Variants in ZMYM2 observed in about 807,000 individuals in gnomAD.
ZMYM2 encodes zinc finger MYM-type containing 2, also known as zinc finger MYM-type protein 2.
ZMYM2 carries 56 observed loss-of-function variants against 162.8 expected under a neutral mutation model. The ratio of observed to expected loss-of-function variants is 0.34; its 90% confidence interval spans 0.28 to 0.43. The LOEUF (loss-of-function observed/expected upper bound fraction) is 0.43. Among genes scored for constraint, ZMYM2 ranks in the 20% least tolerant of loss-of-function variants. The pLI is 1.00. For synonymous variants in ZMYM2, 510 were observed against 541.6 expected (o/e 0.94, Z 0.81); for missense variants, 1,275 against 1,621.8 (o/e 0.79, Z 3.67).
At chr13:20,058,869 C>A in intron 15 of ZMYM2, 165 bp downstream of exon 15, 1 of 883,266 alleles carries the variant, frequency 1.1e-6, no homozygotes, top group Non-Finnish European at 1.9e-6. Flanking sequence ...GAGAATACAG[C>A]ATCTCATTTT....
At chr13:20,002,678 C>A (rs1182029145) in intron 3 of ZMYM2, among the ~76,000 whole-genome samples, 172 bp from the exon 4 acceptor site, 1 of 152,050 alleles carries the variant, frequency 6.6e-6, no homozygotes, top group Non-Finnish European at 1.5e-5. Context: ...TGCATTGTTA[C>A]CGTGACATTC....
chr13:19,924,557 A>T, the ZMYM2 span, among the ~76,000 whole-genome samples: 1 of 152,154 alleles, frequency 6.6e-6, no homozygotes, highest in Non-Finnish European at 1.5e-5. Flanking sequence ...TCTCCAAAAA[A>T]AGGGTTTGTC....
chr13:20,059,128 T>C (rs1441494906), intron 15 of ZMYM2, among the ~76,000 whole-genome samples: 1 of 152,088 alleles, frequency 6.6e-6, no homozygotes, highest in Non-Finnish European at 1.5e-5. Flanking sequence ...TTCTAATTAT[T>C]TGATTAAATA....
chr13:19,935,297 A>G, the ZMYM2 span, among the ~76,000 whole-genome samples: 1 of 149,574 alleles, frequency 6.7e-6, no homozygotes, highest in Non-Finnish European at 1.5e-5. Flanking sequence ...CCACACCCAG[A>G]TGATTTTTTT....
the ZMYM2 span, among the ~76,000 whole-genome samples, chr13:19,866,547 T>A: frequency 6.7e-6 from 1 of 149,224 alleles, no homozygotes; most frequent in African/African-American, 2.5e-5. Context: ...TGCCTGTAAT[T>A]CCAGATACTC....
At chr13:19,898,513 G>A in the ZMYM2 span, among the ~76,000 whole-genome samples, 12 of 152,236 alleles carry the variant, frequency 7.9e-5, no homozygotes, top group South Asian at 1.9e-3. Context: ...GATTACAGGC[G>A]TGAGCCACCG....
rs150956340 is a variant in ZMYM2 at position 20,087,689 on chromosome 13, T to C, written c.*1675T>C. 6.5e-5 allele frequency: 12 copies of C among 185,826 alleles called. No individual in the cohort carries two copies. In the East Asian group the frequency reaches 1.1e-3, roughly 16 times the overall value. 11.5% of individuals were successfully genotyped at this position (185,826 alleles called of 1,614,324 possible). ...GCATAAAAAATTATAATGTTCTAACTTGTTTTATAAGTTGAATGACTTTTC... is the reference window on the plus strand; with the variant it reads ...GCATAAAAAATTATAATGTTCTAACCTGTTTTATAAGTTGAATGACTTTTC... On this transcript the variant is annotated 3_prime_UTR_variant, in exon 25 of 25. Transcript: ENST00000610343.
chr13:20,004,476 C>T (rs1654176524), intron 4 of ZMYM2, among the ~76,000 whole-genome samples: 2 of 151,850 alleles, frequency 1.3e-5, no homozygotes, highest in Admixed American at 6.5e-5. Context: ...AGGATGGTCT[C>T]GATCTCCTGA....
At chr13:20,027,087 G>T (rs927301181) in intron 8 of ZMYM2, 116 bp from the exon 9 acceptor site, 68 of 713,204 alleles carry the variant, frequency 9.5e-5, no homozygotes, top group African/African-American at 9.2e-4. Flanking sequence ...AGTATTGAAG[G>T]TGCAAATAAT....
chr13:19,989,348 G>C (rs892482955), intron 2 of ZMYM2, among the ~76,000 whole-genome samples: 1 of 152,134 alleles, frequency 6.6e-6, no homozygotes, highest in Admixed American at 6.5e-5. Context: ...CCATCACCCA[G>C]GCTGGAGTGC....
chr13:20,034,268 G>A lies in ZMYM2; in HGVS notation c.1983G>A (p.Gln661=), dbSNP rs777552189. 1.9e-6 allele frequency: 3 copies of A among 1,599,360 alleles called. No individual in the cohort carries two copies. Among genetic ancestry groups the A allele is most frequent in the Non-Finnish European group, 2.6e-6 (3 of 1,174,250 alleles). ...TGTGCATTTAGAACAAAGTGCATCA[G>A]TTCTGCAGCAAAACTTGTTCAGATG... is the stretch of plus-strand genomic sequence containing the variant. ...EILEWENKVH[Q]FCSKTCSDDY... Residue 661 remains glutamine, a synonymous_variant, in exon 11 of 25, where the codon CAG becomes CAA. Coordinates refer to ENST00000610343, the MANE Select transcript of ZMYM2 (RefSeq NM_197968.4).
At position 20,007,620 on chromosome 13, in the gene ZMYM2, G is replaced by GTT. The variant is rs71198950; in HGVS notation, c.1512+1051_1512+1052dup. On this transcript the variant is annotated intron_variant, in intron 6 of 24. Coordinates refer to ENST00000610343, the MANE Select transcript of ZMYM2 (RefSeq NM_197968.4). ...GTTATATGAACTTTCTCCCTCTTTA[G>GTT]TTTTTTTTTTTTTTTTTTAAAGACA... Among the ~76,000 whole-genome samples the GTT allele has an allele frequency of 3.3e-3, 446 of 135,026 alleles. 3 individuals carry two copies. Among genetic ancestry groups the GTT allele is most frequent in the Middle Eastern group, 0.015 (4 of 262 alleles). 88.6% of individuals were successfully genotyped at this position (135,026 alleles called of 152,430 possible).
the ZMYM2 span, among the ~76,000 whole-genome samples, chr13:19,929,290 G>A: frequency 2.4e-4 from 37 of 151,970 alleles, no homozygotes; most frequent in South Asian, 4.4e-3. Context: ...CCAGGTTGGA[G>A]TGCAGTGGTG....
chr13:19,994,526 G>T (rs564235667), intron 3 of ZMYM2, among the ~76,000 whole-genome samples: 2 of 152,168 alleles, frequency 1.3e-5, no homozygotes, highest in East Asian at 3.9e-4. Flanking sequence ...GTCTTGCTCT[G>T]TCACCCAGGC....
Position 19,972,614 on chromosome 13 carries a change from G to A in ZMYM2, c.-11+12588G>A, listed in dbSNP as rs892770992. Reference sequence around the variant, plus strand: ...ATGGACAGTCTGTTTCCAATTTTTTGCTATTGTAGATAATGCTGCAAGGAA... The same window carrying A: ...ATGGACAGTCTGTTTCCAATTTTTTACTATTGTAGATAATGCTGCAAGGAA... On this transcript the variant is annotated intron_variant, in intron 2 of 24. Transcript: ENST00000610343. Among the ~76,000 whole-genome samples, 5 of 151,934 alleles carry A rather than the reference G, an allele frequency of 3.3e-5. No individual in the cohort carries two copies. In the South Asian group the frequency reaches 8.3e-4, roughly 25 times the overall value.
Position 20,083,036 on chromosome 13 carries a change from G to T in ZMYM2, c.3820+4G>T, listed in dbSNP as rs751415242. The stretch of plus-strand genomic sequence containing the variant: ...TTGTGTGGAACAGATAATGAAGGTA[G>T]TGTAACAGATTTCTATTTTTATTTT... On this transcript the variant is annotated splice_donor_region_variant and intron_variant, in intron 23 of 24. Transcript: ENST00000610343. The T allele has an allele frequency of 6.3e-7, 1 of 1,579,596 alleles. No individual in the cohort carries two copies.
At chr13:19,937,126 A>T in the ZMYM2 span, among the ~76,000 whole-genome samples, 2 of 151,998 alleles carry the variant, frequency 1.3e-5, no homozygotes, top group African/African-American at 4.8e-5. Flanking sequence ...AAAATATATG[A>T]CATTAAATGA....
intron 2 of ZMYM2, among the ~76,000 whole-genome samples, chr13:19,969,263 T>C (rs908759576): frequency 6.6e-6 from 1 of 152,232 alleles, no homozygotes; most frequent in African/African-American, 2.4e-5. Flanking sequence ...CTTTAGCTGA[T>C]TGTTTGAATT....
intron 14 of ZMYM2, among the ~76,000 whole-genome samples, chr13:20,057,514 A>G (rs2140703425): frequency 6.6e-6 from 1 of 152,220 alleles, no homozygotes; most frequent in Middle Eastern, 3.4e-3. Flanking sequence ...AGTAAACAGT[A>G]TGTGTTCACA....
Sources: allele counts gnomAD v4.1 joint callset (sites outside exome capture counted in the v4.1 genomes callset), GRCh38; gene constraint gnomAD v4.1.1; transcripts MANE v1.5; gene names NCBI Gene and HGNC (gene_info 2026-07-23, HGNC 2026-07-21).